The following PATL2 variants were observed in gnomAD, a reference collection of about 807,000 sequenced individuals.
The protein encoded by PATL2 is PAT1 homolog 2, also known as protein PAT1 homolog 2.
Under a neutral mutation model 77.0 loss-of-function variants are expected in PATL2, and 73 were observed. That is an observed-to-expected ratio of 0.95 (90% CI 0.78 to 1.15). The LOEUF is 1.15. PATL2 is among the 50% of genes most tolerant of loss of function. PATL2 has a pLI of 0.00. For synonymous variants in PATL2, 265 were observed against 257.1 expected, an observed-to-expected ratio of 1.03 and a Z score of -0.29; for missense variants, 618 against 655.4, an observed-to-expected ratio of 0.94 and a Z score of 0.62.
intron 3 of PATL2, among the ~76,000 whole-genome samples, chr15:44,700,386 C>T (rs539439741): frequency 1.4e-4 from 21 of 152,184 alleles, no homozygotes; most frequent in Non-Finnish European, 2.5e-4. Flanking sequence ...ACTGCAGCCT[C>T]CACCTCCTGG....
chr15:44,668,602 C>G, intron 14 of PATL2, 120 bp from the exon 15 acceptor site: 1 of 1,247,338 alleles, frequency 8.0e-7, no homozygotes, highest in South Asian at 1.6e-5. Context: ...AGGTTACTTA[C>G]CAGGCTTATC....
chr15:44,669,945 A>G, intron 10 of PATL2, 22 bp downstream of exon 10: 1 of 1,549,416 alleles, frequency 6.5e-7, no homozygotes, highest in Non-Finnish European at 8.7e-7. Context: ...AGCCCAAGTC[A>G]GCAGGTCAGC....
At chr15:44,697,789 T>A (rs755047281) in intron 3 of PATL2, among the ~76,000 whole-genome samples, 1 of 152,220 alleles carries the variant, frequency 6.6e-6, no homozygotes, top group Non-Finnish European at 1.5e-5. Flanking sequence ...CTCAGTGAAA[T>A]CATGGGAAGT....
intron 6 of PATL2, 58 bp from the exon 7 acceptor site, chr15:44,673,435 C>T: frequency 6.5e-7 from 1 of 1,539,220 alleles, no homozygotes; most frequent in East Asian, 2.4e-5. Context: ...GAATGCTGCT[C>T]TTGTTGTGAG....
At chr15:44,670,580 G>C (rs549160372) in intron 9 of PATL2, among the ~76,000 whole-genome samples, 2 of 152,284 alleles carry the variant, frequency 1.3e-5, no homozygotes, top group Admixed American at 1.3e-4. Context: ...ATTCTAAAGT[G>C]TCTTAAGCAC....
chr15:44,670,550 C>T (rs910602828), intron 9 of PATL2, among the ~76,000 whole-genome samples: 2 of 152,186 alleles, frequency 1.3e-5, no homozygotes, highest in Non-Finnish European at 2.9e-5. Flanking sequence ...ATGCTGGCAC[C>T]TTAGGCCCTC....
intron 3 of PATL2, among the ~76,000 whole-genome samples, chr15:44,681,020 T>C (rs1203577642): frequency 6.6e-6 from 1 of 152,094 alleles, no homozygotes; most frequent in African/African-American, 2.4e-5. Flanking sequence ...CCATTACCAG[T>C]GATTTTTCTT....
chr15:44,679,257 G>A (rs529737903), intron 3 of PATL2, among the ~76,000 whole-genome samples: 6 of 146,932 alleles, frequency 4.1e-5, no homozygotes, highest in South Asian at 2.2e-4. Context: ...TTGAGACAGA[G>A]TCTTGCTCTG....
chr15:44,709,903 A>G (rs973514927), intron 3 of PATL2, among the ~76,000 whole-genome samples, 193 bp downstream of exon 3: 1 of 152,162 alleles, frequency 6.6e-6, no homozygotes, highest in Non-Finnish European at 1.5e-5. Flanking sequence ...ACAACTCAAC[A>G]CTAACATTTC....
intron 3 of PATL2, among the ~76,000 whole-genome samples, chr15:44,679,552 C>CTTTTTTTTTT (rs545161525): frequency 1.0e-4 from 12 of 114,324 alleles, no homozygotes; most frequent in East Asian, 2.5e-4. Flanking sequence ...TTTTCTTTTT[C>CTTTTTTTTTT]TTTTTTTTTT....
intron 3 of PATL2, among the ~76,000 whole-genome samples, chr15:44,699,960 C>A (rs2086593340): frequency 6.6e-6 from 1 of 152,028 alleles, no homozygotes; most frequent in African/African-American, 2.4e-5. Flanking sequence ...TCTTTTTGCT[C>A]AAGATAGTTT....
intron 3 of PATL2, chr15:44,697,522 A>G (rs1005130689): frequency 1.3e-5 from 2 of 152,170 alleles, no homozygotes; most frequent in Non-Finnish European, 2.9e-5. Flanking sequence ...AATGTCAGTT[A>G]AAAAAATAAT....
rs909241165 is a variant in PATL2, at chr15:44,665,990, T to C, written c.1614-19A>G. The stretch of plus-strand genomic sequence containing the variant: ...GGCAAACCTATAAAGAGAACAGATA[T>C]TAACTGCAAGCACAATTCTACTTTG... On this transcript the variant is annotated intron_variant, in intron 17 of 17. Coordinates refer to ENST00000682850, the MANE Select transcript of PATL2 (RefSeq NM_001387263.1). The C allele has an allele frequency of 2.0e-6, 3 of 1,520,864 alleles. No individual in the cohort carries two copies. The highest frequency in any genetic ancestry group is 2.6e-6 in the Non-Finnish European group (3 of 1,132,318). 94.2% of individuals were successfully genotyped at this position (1,520,864 alleles called of 1,614,324 possible).
chr15:44,702,762 G>C lies in PATL2; in HGVS notation c.-76+7334C>G, dbSNP rs558950743. On this transcript the variant is annotated intron_variant, in intron 3 of 17. Transcript: ENST00000682850. The stretch of plus-strand genomic sequence containing the variant: ...TCTTTGTTGACCCACAGTCACTTAG[G>C]AGCATATTTTAATTTCCATATATTT... Among the ~76,000 whole-genome samples, 11 of 150,476 alleles carry C rather than the reference G, an allele frequency of 7.3e-5. No homozygotes were observed. In the South Asian group the frequency reaches 2.3e-3, roughly 31 times the overall value.
At chr15:44,666,275 C>T (rs2085362749) in intron 17 of PATL2, 117 bp downstream of exon 17, 3 of 1,384,140 alleles carry the variant, frequency 2.2e-6, no homozygotes, top group Non-Finnish European at 2.0e-6. Flanking sequence ...AGAACCACTT[C>T]TAAAAACACA....
At chr15:44,677,817 T>C (rs1385852487) in intron 3 of PATL2, among the ~76,000 whole-genome samples, 2 of 152,120 alleles carry the variant, frequency 1.3e-5, no homozygotes, top group Non-Finnish European at 2.9e-5. Context: ...GGAACAAATA[T>C]AAGTAGCTTG....
rs1252704818 is a variant in PATL2 at position 44,674,087 on chromosome 15, G to C, written c.303+63C>G. The C allele has an allele frequency of 3.5e-6, 5 of 1,444,558 alleles. No homozygotes were observed. The African/African-American group carries it at 5.7e-5, about 16-fold the overall frequency. 89.5% of individuals were successfully genotyped at this position (1,444,558 alleles called of 1,614,324 possible). A position where few individuals can be genotyped will look rare whatever the true frequency, so the allele number is the denominator to read the frequency against. ...CCTTAACTCCAGACCAGGGTTGGGG[G>C]TAGACTGAACATAATAGATGGAATC... is the stretch of plus-strand genomic sequence containing the variant. On this transcript the variant is annotated intron_variant, in intron 6 of 17. Transcript: ENST00000682850.
intron 4 of PATL2, chr15:44,675,925 T>TA: frequency 2.0e-6 from 1 of 502,346 alleles, no homozygotes; most frequent in Non-Finnish European, 3.5e-6. Flanking sequence ...CTCGTGCCTG[T>TA]AGTCCCAGTT....
chr15:44,709,692 C>A (rs2086812280), intron 3 of PATL2, among the ~76,000 whole-genome samples: 2 of 152,026 alleles, frequency 1.3e-5, no homozygotes, highest in South Asian at 2.1e-4. Context: ...ACAGGTATTC[C>A]CCCCCAAAGA....
Sources: gnomAD v4.1 joint callset for allele counts (sites outside exome capture counted in the v4.1 genomes callset) on GRCh38, gnomAD v4.1.1 for gene constraint, MANE v1.5 for transcripts, NCBI Gene and HGNC (gene_info 2026-07-23, HGNC 2026-07-21) for gene names.